AGBL4: variants seen among roughly 807,000 people sequenced by gnomAD.
AGBL4 encodes AGBL carboxypeptidase 4, also known as cytosolic carboxypeptidase 6.
Under a neutral mutation model 66.4 loss-of-function variants are expected in AGBL4, and 58 were observed. That is an observed-to-expected ratio of 0.87 (90% confidence interval 0.71 to 1.09). The LOEUF (loss-of-function observed/expected upper bound fraction) is 1.09. AGBL4 is among the 50% of genes least tolerant of loss of function. The pLI, the probability that AGBL4 is intolerant of heterozygous loss-of-function variation, is 0.00. For synonymous variants in AGBL4, 234 were observed against 222.9 expected (o/e 1.05, Z -0.44); for missense variants, 579 against 631.0 (o/e 0.92, Z 0.88).
chr1:49,710,088 G>A (rs1265837006), intron 2 of AGBL4, among the ~76,000 whole-genome samples: 1 of 152,084 alleles, frequency 6.6e-6, no homozygotes. Flanking sequence ...TCCCATTACT[G>A]GATATATACC....
intron 3 of AGBL4, among the ~76,000 whole-genome samples, chr1:49,505,068 A>T (rs1265056291): frequency 1.3e-5 from 2 of 152,034 alleles, no homozygotes; most frequent in Non-Finnish European, 2.9e-5. Context: ...TTATACAGTA[A>T]TAACAGGCTA....
chr1:49,317,098 A>G (rs1302323383), intron 3 of AGBL4, among the ~76,000 whole-genome samples: 1 of 151,916 alleles, frequency 6.6e-6, no homozygotes. Context: ...ATGGAGAGAA[A>G]CAAAAAAGTA....
intron 3 of AGBL4, among the ~76,000 whole-genome samples, chr1:49,680,171 C>T (rs1426993997): frequency 6.7e-6 from 1 of 150,048 alleles, no homozygotes; most frequent in Non-Finnish European, 1.5e-5. Flanking sequence ...CTGCCTCAGT[C>T]TCCCGAGTAG....
Position 49,412,098 on chromosome 1 carries a change from T to TA in AGBL4, c.283-166235dup, listed in dbSNP as rs557147594. Among the ~76,000 whole-genome samples, 11 of 151,980 alleles carry TA rather than the reference T, an allele frequency of 7.2e-5. No homozygotes were observed. In the East Asian group the frequency reaches 7.7e-4, roughly 11 times the overall value. On this transcript the variant is annotated intron_variant, in intron 3 of 13. Coordinates refer to ENST00000371839, the MANE Select transcript of AGBL4 (RefSeq NM_032785.4). ...TATGCTAGTTTTATTTTTCTTTTCA[T>TA]AAAAAAAATCTGTAGAAAGAAAATA...
intron 11 of AGBL4, among the ~76,000 whole-genome samples, chr1:48,550,516 T>C (rs1368298871): frequency 5.3e-5 from 8 of 152,192 alleles, no homozygotes; most frequent in Non-Finnish European, 1.2e-4. Flanking sequence ...TAATCCAGGA[T>C]AGTCTCAACC....
At chr1:49,193,532 CTTT>C (rs879757160) in intron 4 of AGBL4, among the ~76,000 whole-genome samples, 2 of 139,848 alleles carry the variant, frequency 1.4e-5, no homozygotes, top group African/African-American at 5.2e-5. Flanking sequence ...GTATTGATTT[CTTT>C]TTTTTTTTTT....
At position 49,327,254 on chromosome 1, in the gene AGBL4, G is replaced by C. The variant is rs530860156; in HGVS notation, c.283-81390C>G. 1.3e-4 allele frequency among the ~76,000 whole-genome samples: 20 copies of C among 152,172 alleles called. No individual in the cohort carries two copies. The South Asian group carries it at 3.3e-3, about 25-fold the overall frequency. ...GGGGAGTAGGACATGGACATTTTGT[G>C]GGGGGGCCTTGCCTACCATAATCAT... On this transcript the variant is annotated intron_variant, in intron 3 of 13. Coordinates refer to ENST00000371839, the MANE Select transcript of AGBL4 (RefSeq NM_032785.4).
At chr1:48,646,263 A>G (rs1015908011) in intron 8 of AGBL4, among the ~76,000 whole-genome samples, 1 of 152,142 alleles carries the variant, frequency 6.6e-6, no homozygotes, top group African/African-American at 2.4e-5. Flanking sequence ...TGACTGGGGC[A>G]GGGAAGGAGG....
intron 4 of AGBL4, among the ~76,000 whole-genome samples, chr1:49,125,939 A>G (rs1207991087): frequency 6.6e-6 from 1 of 152,176 alleles, no homozygotes. Flanking sequence ...AACAGCCCTT[A>G]TTCTTAGGCA....
rs960543348 is a variant in AGBL4 at position 49,754,279 on chromosome 1, A to C, written c.158-56842T>G. ...TGCATGGGTGTTCTTTTTTTTTTTT[A>C]TTTTTTTATTTTTAATGTTTTTTTT... On this transcript the variant is annotated intron_variant, in intron 2 of 13. Transcript: ENST00000371839. Among the ~76,000 whole-genome samples, 18 of 135,948 alleles carry C rather than the reference A, an allele frequency of 1.3e-4. No homozygotes were observed. The South Asian group carries it at 1.4e-3, about 10-fold the overall frequency. 89.2% of individuals were successfully genotyped at this position (135,948 alleles called of 152,430 possible).
chr1:48,693,160 ATC>A (rs1646659910), intron 6 of AGBL4, among the ~76,000 whole-genome samples: 1 of 152,160 alleles, frequency 6.6e-6, no homozygotes, highest in African/African-American at 2.4e-5. Flanking sequence ...ACTAATCCTT[ATC>A]TGTTTGTCCT....
chr1:49,544,919 A>G (rs1194992653), intron 3 of AGBL4, among the ~76,000 whole-genome samples: 1 of 152,218 alleles, frequency 6.6e-6, no homozygotes, highest in African/African-American at 2.4e-5. Flanking sequence ...GAATTCTGTG[A>G]GCCTATACTA....
At chr1:49,554,996 G>A (rs955424297) in intron 3 of AGBL4, among the ~76,000 whole-genome samples, 16 of 152,206 alleles carry the variant, frequency 1.1e-4, no homozygotes, top group Non-Finnish European at 2.2e-4. Context: ...GTGAGCAGCA[G>A]AAAGATTTAC....
rs894494226 is a variant in AGBL4 at position 49,644,073 on chromosome 1, A to T, written c.282+53240T>A. The stretch of plus-strand genomic sequence containing the variant: ...CACAAAGGATGGAGTGAGAGGGGGA[A>T]ATGGAAGTATATTCTTGTGAGGTTG... On this transcript the variant is annotated intron_variant, in intron 3 of 13. Coordinates refer to ENST00000371839, the MANE Select transcript of AGBL4 (RefSeq NM_032785.4). Among the ~76,000 whole-genome samples, 10 of 151,810 alleles carry T rather than the reference A, an allele frequency of 6.6e-5. No homozygotes were observed. The South Asian group carries it at 1.7e-3, about 25-fold the overall frequency.
chr1:49,147,571 C>G (rs1313295012), intron 4 of AGBL4, among the ~76,000 whole-genome samples: 2 of 152,112 alleles, frequency 1.3e-5, no homozygotes. Flanking sequence ...TTTCCACATA[C>G]CTCGTAAGAG....
At chr1:49,152,851 G>A (rs1185574291) in intron 4 of AGBL4, among the ~76,000 whole-genome samples, 1 of 152,030 alleles carries the variant, frequency 6.6e-6, no homozygotes, top group African/African-American at 2.4e-5. Flanking sequence ...TATAATTCTG[G>A]GCAGAAATAA....
intron 3 of AGBL4, among the ~76,000 whole-genome samples, chr1:49,600,636 A>T (rs933724458): frequency 2.0e-5 from 3 of 152,164 alleles, no homozygotes; most frequent in African/African-American, 7.2e-5. Flanking sequence ...TTATGTGTGA[A>T]TTTGATCCTG....
At chr1:49,840,239 C>A (rs557678770) in intron 2 of AGBL4, among the ~76,000 whole-genome samples, 4 of 152,210 alleles carry the variant, frequency 2.6e-5, no homozygotes, top group Non-Finnish European at 5.9e-5. Context: ...TTACTCTGCA[C>A]TTTCTAATTG....
intron 11 of AGBL4, among the ~76,000 whole-genome samples, chr1:48,563,509 T>A (rs994287397): frequency 6.6e-6 from 1 of 151,568 alleles, no homozygotes; most frequent in Non-Finnish European, 1.5e-5. Context: ...TGAGGGGGTC[T>A]GAGAGAGGAG....
Sources: allele counts gnomAD v4.1 joint callset (sites outside exome capture counted in the v4.1 genomes callset), GRCh38; gene constraint gnomAD v4.1.1; transcripts MANE v1.5; gene names NCBI Gene and HGNC (gene_info 2026-07-23, HGNC 2026-07-21).